VWC2: variants seen among roughly 807,000 people sequenced by gnomAD.
The protein encoded by VWC2 is brorin.
Under a neutral mutation model 29.8 loss-of-function variants are expected in VWC2, and 14 were observed. That is an observed-to-expected ratio of 0.47 (90% CI 0.31 to 0.74). The LOEUF (loss-of-function observed/expected upper bound fraction) is 0.74, where lower values mean the gene tolerates loss of function less well. Ranked by LOEUF, VWC2 falls within the 30% of genes least tolerant of loss-of-function variation. The probability of loss-of-function intolerance (pLI) is 0.05; values close to 1 mark genes in which losing one functional copy is unlikely to be tolerated. For synonymous variants in VWC2, 213 were observed against 199.0 expected (o/e 1.07, Z -0.59); for missense variants, 457 against 459.8 (o/e 0.99, Z 0.05).
intron 3 of VWC2, among the ~76,000 whole-genome samples, chr7:49,902,691 T>A (rs2128736922): frequency 6.6e-6 from 1 of 152,164 alleles, no homozygotes; most frequent in Non-Finnish European, 1.5e-5. Flanking sequence ...CTTTAGGACG[T>A]AGGGCTTCTT....
chr7:49,869,824 T>A (rs909622446), intron 3 of VWC2, among the ~76,000 whole-genome samples: 8 of 152,134 alleles, frequency 5.3e-5, no homozygotes, highest in African/African-American at 1.9e-4. Context: ...ATATGTTTTT[T>A]CATAGTAATC....
At position 49,840,705 on chromosome 7, in the gene VWC2, A is replaced by G. The variant is rs1789775117; in HGVS notation, c.826+37865A>G. On this transcript the variant is annotated intron_variant, in intron 3 of 3. Transcript: ENST00000340652. ...CAGTGCAGCTTCAAAAGCTGTTTGCATAAAAAGCCGATTATTCACTCTTTT... is the reference window on the plus strand; with the variant it reads ...CAGTGCAGCTTCAAAAGCTGTTTGCGTAAAAAGCCGATTATTCACTCTTTT... Among the ~76,000 whole-genome samples, 2 of 152,216 alleles carry G rather than the reference A, an allele frequency of 1.3e-5. 1 individual carries two copies. Among genetic ancestry groups the G allele is most frequent in the Admixed American group, 1.3e-4 (2 of 15,284 alleles).
chr7:49,802,052 G>C (rs532218876), intron 2 of VWC2, among the ~76,000 whole-genome samples: 1 of 152,256 alleles, frequency 6.6e-6, no homozygotes, highest in South Asian at 2.1e-4. Flanking sequence ...TGAGGGGATG[G>C]GCAAGAACTC....
At chr7:49,830,664 C>T (rs1789504769) in intron 3 of VWC2, among the ~76,000 whole-genome samples, 1 of 152,076 alleles carries the variant, frequency 6.6e-6, no homozygotes, top group Non-Finnish European at 1.5e-5. Context: ...GCTATCCCTC[C>T]CCCACCCCCT....
At chr7:49,886,877 T>C (rs184127916) in intron 3 of VWC2, among the ~76,000 whole-genome samples, 1 of 152,350 alleles carries the variant, frequency 6.6e-6, no homozygotes, top group African/African-American at 2.4e-5. Context: ...GTTTCAATTG[T>C]TGGACCTCGT....
At chr7:49,859,879 GA>G (rs1790583248) in intron 3 of VWC2, among the ~76,000 whole-genome samples, 1 of 151,950 alleles carries the variant, frequency 6.6e-6, no homozygotes, top group South Asian at 2.1e-4. Context: ...TCAACACAGG[GA>G]AAACTAAGAA....
At chr7:49,796,765 G>A (rs991177258) in intron 2 of VWC2, among the ~76,000 whole-genome samples, 2 of 152,126 alleles carry the variant, frequency 1.3e-5, no homozygotes, top group South Asian at 4.2e-4. Context: ...ATTAAACAAG[G>A]CAAAGCTTCT....
chr7:49,808,665 T>C (rs1455241558), intron 3 of VWC2, among the ~76,000 whole-genome samples: 4 of 152,044 alleles, frequency 2.6e-5, no homozygotes, highest in African/African-American at 9.7e-5. Flanking sequence ...CTTAATCATA[T>C]AAAGTTTCTT....
At chr7:49,879,010 C>G (rs1791562062) in intron 3 of VWC2, among the ~76,000 whole-genome samples, 1 of 152,158 alleles carries the variant, frequency 6.6e-6, no homozygotes, top group African/African-American at 2.4e-5. Flanking sequence ...TGTGTATTCT[C>G]CATATTCTTA....
chr7:49,854,050 T>A (rs1241622478), intron 3 of VWC2, among the ~76,000 whole-genome samples: 4 of 144,070 alleles, frequency 2.8e-5, no homozygotes, highest in Admixed American at 2.1e-4. Context: ...GAACTCATCC[T>A]TTTTTATGGC....
chr7:49,776,740 C>T (rs541716), intron 2 of VWC2, among the ~76,000 whole-genome samples: 7,302 of 152,080 alleles, frequency 0.048, 579 homozygotes, highest in African/African-American at 0.17. Context: ...TTAATAATAC[C>T]GGCCATCTCT....
chr7:49,788,826 A>G lies in VWC2; in HGVS notation c.696+12695A>G, dbSNP rs557735432. ...TGTGTGGGTGCGTGTGAGAGTGGAT[A>G]TGTGGGTATGAGTGTGTGTGAGCAT... On this transcript the variant is annotated intron_variant, in intron 2 of 3. Coordinates refer to ENST00000340652, the MANE Select transcript of VWC2 (RefSeq NM_198570.5). Among the ~76,000 whole-genome samples, 180 of 100,664 alleles carry G rather than the reference A, an allele frequency of 1.8e-3. 2 individuals carry two copies. The highest frequency in any genetic ancestry group is 5.2e-3 in the Admixed American group (53 of 10,178). The allele number at this position is 100,664 out of a possible 152,430, so 66.0% of individuals were successfully genotyped here. A position where few individuals can be genotyped will look rare whatever the true frequency, so the allele number is the denominator to read the frequency against.
intron 3 of VWC2, among the ~76,000 whole-genome samples, chr7:49,896,348 G>A (rs774237081): frequency 6.6e-6 from 1 of 152,036 alleles, no homozygotes; most frequent in East Asian, 1.9e-4. Flanking sequence ...TTCAAAAAAA[G>A]GAAAGTATAA....
chr7:49,816,415 C>T (rs1023738178), intron 3 of VWC2, among the ~76,000 whole-genome samples: 4 of 152,110 alleles, frequency 2.6e-5, no homozygotes, highest in Non-Finnish European at 5.9e-5. Flanking sequence ...GGAGATACAT[C>T]AAAGGTCAAG....
intron 2 of VWC2, among the ~76,000 whole-genome samples, chr7:49,786,769 CTTGT>C (rs1788309084): frequency 6.6e-6 from 1 of 152,102 alleles, no homozygotes; most frequent in Non-Finnish European, 1.5e-5. Flanking sequence ...TTGTTGGCTG[CTTGT>C]TTGTCTAATT....
intron 3 of VWC2, among the ~76,000 whole-genome samples, chr7:49,871,131 G>T (rs1304474523): frequency 6.6e-6 from 1 of 152,106 alleles, no homozygotes. Flanking sequence ...AATACAAAAG[G>T]TGATAAAGGA....
intron 3 of VWC2, among the ~76,000 whole-genome samples, chr7:49,876,326 C>T (rs1791413271): frequency 6.6e-6 from 1 of 152,018 alleles, no homozygotes; most frequent in African/African-American, 2.4e-5. Flanking sequence ...ATTTAAAAGA[C>T]CCAATTTTTA....
chr7:49,844,419 A>G (rs1035024996), intron 3 of VWC2, among the ~76,000 whole-genome samples: 1 of 152,242 alleles, frequency 6.6e-6, no homozygotes, highest in Non-Finnish European at 1.5e-5. Context: ...GCAGAGTTAG[A>G]TAACTATAGA....
chr7:49,802,762 A>G lies in VWC2; in HGVS notation c.748A>G (p.Thr250Ala), dbSNP rs1788772460. Residue 250 changes from threonine (T) to alanine (A), a missense_variant, in exon 3 of 4, where the codon ACA (threonine) becomes GCA (alanine). By Grantham distance (58) the Thr-to-Ala change is moderately conservative. Transcript: ENST00000340652. ...RCEANGEVLC[T>A]VSACPQTECV... is the part of the protein sequence containing the mutation. ...TGAAGCCAACGGTGAGGTGCTATGC[A>G]CAGTGTCAGCGTGTCCCCAGACGGA... The G allele has an allele frequency of 6.2e-7, 1 of 1,614,244 alleles. No homozygotes were observed. The highest frequency in any genetic ancestry group is 8.5e-7 in the Non-Finnish European group (1 of 1,180,050).
Sources: gnomAD v4.1 joint callset for allele counts (sites outside exome capture counted in the v4.1 genomes callset) on GRCh38, gnomAD v4.1.1 for gene constraint, MANE v1.5 for transcripts, NCBI Gene and HGNC (gene_info 2026-07-23, HGNC 2026-07-21) for gene names.